The following ARHGAP18 variants were observed in gnomAD, a reference collection of about 807,000 sequenced individuals.
The protein encoded by ARHGAP18 is Rho GTPase activating protein 18, also known as rho GTPase-activating protein 18.
A neutral mutation model predicts 86.2 loss-of-function variants in ARHGAP18; 67 were observed. The observed-to-expected ratio is 0.78, with a 90% CI of 0.64 to 0.95. The LOEUF (loss-of-function observed/expected upper bound fraction) is 0.95, where lower values mean the gene tolerates loss of function less well. ARHGAP18 is among the 40% of genes least tolerant of loss of function. The pLI is 0.00. For missense variants in ARHGAP18, 691 were observed against 780.4 expected (o/e 0.89, Z 1.37); for synonymous variants, 283 against 280.4 (o/e 1.01, Z -0.09).
At chr6:129,606,300 A>G (rs149041053) in intron 9 of ARHGAP18, among the ~76,000 whole-genome samples, 128 of 152,342 alleles carry the variant, frequency 8.4e-4, no homozygotes, top group African/African-American at 3.0e-3. Context: ...TGGACCTTCC[A>G]TGATACAGTA....
chr6:129,604,111 T>A (rs1788803935), intron 10 of ARHGAP18, among the ~76,000 whole-genome samples: 1 of 152,190 alleles, frequency 6.6e-6, no homozygotes, highest in Non-Finnish European at 1.5e-5. Flanking sequence ...TTTGAAACCT[T>A]CAGCAGAGCT....
intron 1 of ARHGAP18, among the ~76,000 whole-genome samples, chr6:129,664,918 C>G (rs749313502): frequency 1.3e-5 from 2 of 152,130 alleles, no homozygotes; most frequent in Non-Finnish European, 2.9e-5. Context: ...TGAGCAGAGA[C>G]CTGAATGAAA....
intron 1 of ARHGAP18, among the ~76,000 whole-genome samples, chr6:129,683,232 C>T (rs12208591): frequency 0.22 from 33,872 of 151,792 alleles, 4,308 homozygotes; most frequent in South Asian, 0.32. Flanking sequence ...CCACCACGCC[C>T]GGCTAACTTT....
chr6:129,616,563 A>G (rs1334081217), intron 6 of ARHGAP18, among the ~76,000 whole-genome samples: 9 of 152,228 alleles, frequency 5.9e-5, no homozygotes, highest in Non-Finnish European at 1.3e-4. Flanking sequence ...GAAAAGTGCA[A>G]ACTGCTGCAT....
rs377741667 is a variant in ARHGAP18 at position 129,578,646 on chromosome 6, A to G, written c.1901-42T>C. 4.3e-5 allele frequency: 63 copies of G among 1,473,930 alleles called. No individual in the cohort carries two copies. The African/African-American group carries it at 7.1e-4, about 17-fold the overall frequency. 91.3% of individuals were successfully genotyped at this position (1,473,930 alleles called of 1,614,324 possible). A position where few individuals can be genotyped will look rare whatever the true frequency, so the allele number is the denominator to read the frequency against. On this transcript the variant is annotated intron_variant, in intron 14 of 14. Transcript: ENST00000368149. ...TGTGTCAGTTTAATACAGCAGGTAG[A>G]TTGGTATGCAATTTTAAACTTAAGC... is the stretch of plus-strand genomic sequence containing the variant.
intron 5 of ARHGAP18, among the ~76,000 whole-genome samples, chr6:129,625,042 TAA>T (rs1491346173): frequency 5.8e-5 from 5 of 86,782 alleles, no homozygotes; most frequent in African/African-American, 2.5e-4. Context: ...TATATTTATA[TAA>T]TATATATGAT....
intron 6 of ARHGAP18, among the ~76,000 whole-genome samples, chr6:129,617,224 G>A (rs959146369): frequency 6.6e-6 from 1 of 152,138 alleles, no homozygotes; most frequent in Non-Finnish European, 1.5e-5. Context: ...AGTCTGGTAT[G>A]AACATGGCTT....
chr6:129,627,204 C>T (rs1038126144), intron 5 of ARHGAP18, among the ~76,000 whole-genome samples: 1 of 152,022 alleles, frequency 6.6e-6, no homozygotes, highest in Non-Finnish European at 1.5e-5. Flanking sequence ...CAGGTGAAAA[C>T]TGTTAATAAG....
chr6:129,583,501 CAAAGGCCTGGTTTTCCTCT>C (rs1788329510), intron 13 of ARHGAP18, among the ~76,000 whole-genome samples: 2 of 152,170 alleles, frequency 1.3e-5, no homozygotes, highest in Non-Finnish European at 2.9e-5. Context: ...CTTCAGCGCT[CAAAGGCCTGGTTTTCCTCT>C]TTCAATTCTT....
At chr6:129,649,772 A>G (rs1326115768) in intron 1 of ARHGAP18, among the ~76,000 whole-genome samples, 1 of 152,074 alleles carries the variant, frequency 6.6e-6, no homozygotes, top group Admixed American at 6.5e-5. Flanking sequence ...AAGCCCATTA[A>G]TGACACTGTT....
At chr6:129,670,037 T>A (rs1774114775) in intron 1 of ARHGAP18, among the ~76,000 whole-genome samples, 1 of 152,346 alleles carries the variant, frequency 6.6e-6, no homozygotes, top group African/African-American at 2.4e-5. Flanking sequence ...TTTGTATCTA[T>A]TTATCTCTTA....
chr6:129,667,764 A>G (rs1261917247), intron 1 of ARHGAP18, among the ~76,000 whole-genome samples: 2 of 152,098 alleles, frequency 1.3e-5, no homozygotes, highest in Non-Finnish European at 2.9e-5. Context: ...GGCCAAGGAC[A>G]GGAGTCTGAT....
intron 1 of ARHGAP18, chr6:129,661,906 A>C (rs1773960484): frequency 5.1e-6 from 5 of 985,352 alleles, no homozygotes; most frequent in Non-Finnish European, 6.0e-6. Context: ...GCTGGTTTCA[A>C]GTCCACCAAG....
rs186601605 is a variant in ARHGAP18 at position 129,595,275 on chromosome 6, C to T, written c.1713+3941G>A. Among the ~76,000 whole-genome samples the T allele has an allele frequency of 3.9e-3, 594 of 152,242 alleles. 3 individuals are homozygous for T. The highest frequency in any genetic ancestry group is 0.01 in the Middle Eastern group (3 of 294). ...TCTTTTATCACATAGTAACATATTA[C>T]GAATCTCTTCAATGTCAAGATACAC... On this transcript the variant is annotated intron_variant, in intron 12 of 14. Coordinates refer to ENST00000368149, the MANE Select transcript of ARHGAP18 (RefSeq NM_033515.3).
chr6:129,628,314 G>A (rs1037062668), intron 5 of ARHGAP18, among the ~76,000 whole-genome samples: 21 of 152,132 alleles, frequency 1.4e-4, no homozygotes, highest in South Asian at 2.1e-4. Context: ...ACGGAAGACT[G>A]TGTCAGCCAG....
intron 10 of ARHGAP18, among the ~76,000 whole-genome samples, chr6:129,604,546 G>A (rs1279150129): frequency 3.3e-5 from 5 of 152,076 alleles, no homozygotes; most frequent in African/African-American, 4.8e-5. Context: ...GCCCTGTGTC[G>A]GGAGCACTGC....
chr6:129,583,588 T>A (rs1005607727), intron 13 of ARHGAP18, among the ~76,000 whole-genome samples: 1 of 152,202 alleles, frequency 6.6e-6, no homozygotes, highest in African/African-American at 2.4e-5. Context: ...TAGAAAAAGT[T>A]GTGTCTTTTC....
At chr6:129,654,287 C>T in intron 1 of ARHGAP18, among the ~76,000 whole-genome samples, 1 of 152,168 alleles carries the variant, frequency 6.6e-6, no homozygotes, top group East Asian at 1.9e-4. Context: ...TGCAATGCCA[C>T]ATCATCTAGC....
rs1313745631 is a variant in ARHGAP18, at chr6:129,584,088, G to T, written c.1738C>A (p.Arg580=). Residue 580 remains arginine, a synonymous_variant, in exon 13 of 15, where the codon CGA becomes AGA. Coordinates refer to ENST00000368149, the MANE Select transcript of ARHGAP18 (RefSeq NM_033515.3). ...NDADVPQGVI[R]VQAPHLSKVS... is the part of the protein sequence containing the mutation. ...TTCGAAAGATGGGGAGCTTGCACTC[G>T]AATCACTCCCTGAGGAACGTCAGCC... 1.9e-6 allele frequency: 3 copies of T among 1,613,566 alleles called. No homozygotes were observed. Among genetic ancestry groups the T allele is most frequent in the South Asian group, 2.2e-5 (2 of 91,054 alleles).
Sources: gnomAD v4.1 joint callset for allele counts (sites outside exome capture counted in the v4.1 genomes callset) on GRCh38, gnomAD v4.1.1 for gene constraint, MANE v1.5 for transcripts, NCBI Gene and HGNC (gene_info 2026-07-23, HGNC 2026-07-21) for gene names.